LUZP2: variants seen among roughly 807,000 people sequenced by gnomAD.
LUZP2 encodes leucine zipper protein 2.
In LUZP2, 52 loss-of-function variants were observed where a neutral mutation model predicts 51.6. That is an observed-to-expected ratio of 1.01 (90% CI 0.81 to 1.27). LUZP2 has a LOEUF of 1.27. Among genes scored for constraint, LUZP2 ranks in the 50% most tolerant of loss-of-function variants. The pLI is 0.00. For synonymous variants in LUZP2, 154 were observed against 137.3 expected, an observed-to-expected ratio of 1.12 and a Z score of -0.85; for missense variants, 436 against 395.4, an observed-to-expected ratio of 1.10 and a Z score of -0.87.
At chr11:24,538,109 T>C (rs1171299263) in intron 1 of LUZP2, among the ~76,000 whole-genome samples, 2 of 151,886 alleles carry the variant, frequency 1.3e-5, no homozygotes, top group Admixed American at 6.6e-5. Context: ...AGGCAATTCA[T>C]AGACGAAGAT....
chr11:24,899,446 A>AGCTGT (rs1853202974), intron 5 of LUZP2, among the ~76,000 whole-genome samples: 1 of 152,090 alleles, frequency 6.6e-6, no homozygotes, highest in Admixed American at 6.6e-5. Context: ...GTTGTAAACA[A>AGCTGT]AACCTGATTA....
intron 9 of LUZP2, among the ~76,000 whole-genome samples, chr11:25,024,274 G>A (rs7946956): frequency 0.97 from 147,190 of 152,162 alleles, 71,363 homozygotes; most frequent in East Asian, 1. Flanking sequence ...CCTATTCAAC[G>A]TAGTGTTGGA....
chr11:25,065,021 A>G (rs951046189), intron 10 of LUZP2, among the ~76,000 whole-genome samples: 3 of 152,068 alleles, frequency 2.0e-5, no homozygotes, highest in Admixed American at 1.3e-4. Context: ...TGGAGATAAC[A>G]TTGACAGGCA....
intron 1 of LUZP2, among the ~76,000 whole-genome samples, chr11:24,688,429 T>C (rs1407530739): frequency 1.3e-5 from 2 of 152,182 alleles, no homozygotes; most frequent in Non-Finnish European, 2.9e-5. Flanking sequence ...TAGCATTCTG[T>C]TATTTATTCT....
chr11:24,774,489 TAA>T (rs1848855423), intron 5 of LUZP2, among the ~76,000 whole-genome samples: 1 of 123,706 alleles, frequency 8.1e-6, no homozygotes, highest in Admixed American at 8.8e-5. Context: ...AATATATATA[TAA>T]AGAATATATA....
At chr11:24,952,162 T>C (rs1049039027) in intron 7 of LUZP2, among the ~76,000 whole-genome samples, 5 of 151,764 alleles carry the variant, frequency 3.3e-5, no homozygotes, top group Non-Finnish European at 5.9e-5. Flanking sequence ...AACATCTTTC[T>C]TTAATTGTAA....
chr11:24,706,038 G>T (rs1160924306), intron 1 of LUZP2, among the ~76,000 whole-genome samples: 1 of 152,032 alleles, frequency 6.6e-6, no homozygotes, highest in African/African-American at 2.4e-5. Flanking sequence ...GACTACCTAT[G>T]AGGGCAATGA....
intron 7 of LUZP2, among the ~76,000 whole-genome samples, chr11:24,976,339 G>A (rs924679525): frequency 6.6e-6 from 1 of 151,788 alleles, no homozygotes; most frequent in African/African-American, 2.4e-5. Flanking sequence ...GAAATTAGAT[G>A]TTTTGGTCTA....
At chr11:24,985,944 C>T (rs1856176428) in intron 9 of LUZP2, among the ~76,000 whole-genome samples, 2 of 151,662 alleles carry the variant, frequency 1.3e-5, no homozygotes, top group South Asian at 4.1e-4. Flanking sequence ...TGCAAAGTCA[C>T]TAGACATGAG....
intron 5 of LUZP2, among the ~76,000 whole-genome samples, chr11:24,868,749 T>G (rs764408260): frequency 1.1e-4 from 16 of 152,152 alleles, no homozygotes; most frequent in African/African-American, 1.4e-4. Flanking sequence ...TGCTTTAGTA[T>G]TACTTGCTAC....
chr11:24,517,632 T>G (rs1212729549), intron 1 of LUZP2, among the ~76,000 whole-genome samples: 1 of 151,880 alleles, frequency 6.6e-6, no homozygotes, highest in Admixed American at 6.6e-5. Flanking sequence ...AGGGCATCAG[T>G]CACGTCACTG....
At chr11:24,954,928 A>G (rs533593435) in intron 7 of LUZP2, among the ~76,000 whole-genome samples, 2 of 152,182 alleles carry the variant, frequency 1.3e-5, no homozygotes, top group Non-Finnish European at 2.9e-5. Flanking sequence ...GACCAGAAAG[A>G]ATAGGGTACC....
At chr11:24,999,270 A>C (rs1251434363) in intron 9 of LUZP2, among the ~76,000 whole-genome samples, 2 of 152,104 alleles carry the variant, frequency 1.3e-5, no homozygotes, top group East Asian at 3.9e-4. Flanking sequence ...GATAATTTCC[A>C]GAGGTATAGT....
intron 1 of LUZP2, among the ~76,000 whole-genome samples, chr11:24,671,790 G>T (rs554285709): frequency 6.6e-6 from 1 of 152,206 alleles, no homozygotes; most frequent in African/African-American, 2.4e-5. Flanking sequence ...TTCCAAAACA[G>T]TATGGCCTTA....
chr11:24,672,677 T>C (rs2134004736), intron 1 of LUZP2, among the ~76,000 whole-genome samples: 1 of 152,320 alleles, frequency 6.6e-6, no homozygotes, highest in East Asian at 1.9e-4. Flanking sequence ...TGGGATTTCG[T>C]CCTTGTGCAA....
intron 1 of LUZP2, among the ~76,000 whole-genome samples, chr11:24,653,585 C>T (rs988492151): frequency 1.4e-4 from 22 of 152,148 alleles, no homozygotes; most frequent in African/African-American, 5.1e-4. Flanking sequence ...ATTTATAGCC[C>T]ATGAGATTAG....
intron 1 of LUZP2, among the ~76,000 whole-genome samples, chr11:24,518,217 T>G (rs1325090534): frequency 6.6e-6 from 1 of 152,220 alleles, no homozygotes; most frequent in African/African-American, 2.4e-5. Flanking sequence ...TAATTTAACT[T>G]ATTTAAAGCT....
At chr11:24,850,046 G>A (rs1034134159) in intron 5 of LUZP2, among the ~76,000 whole-genome samples, 33 of 152,032 alleles carry the variant, frequency 2.2e-4, no homozygotes, top group Non-Finnish European at 4.4e-4. Flanking sequence ...TGGATAGATT[G>A]CAAAATTTTC....
intron 5 of LUZP2, among the ~76,000 whole-genome samples, chr11:24,765,220 T>C (rs2134037630): frequency 6.6e-6 from 1 of 152,342 alleles, no homozygotes; most frequent in East Asian, 1.9e-4. Context: ...ATAACTGGTG[T>C]ATACACTGTA....
Sources: allele counts gnomAD v4.1 joint callset (sites outside exome capture counted in the v4.1 genomes callset), GRCh38; gene constraint gnomAD v4.1.1; transcripts MANE v1.5; gene names NCBI Gene and HGNC (gene_info 2026-07-23, HGNC 2026-07-21).